IFT52: variants seen among roughly 807,000 people sequenced by gnomAD.
The protein encoded by IFT52 is intraflagellar transport 52.
Under a neutral mutation model 54.4 loss-of-function variants are expected in IFT52, and 44 were observed. That is an observed-to-expected ratio of 0.81 (90% CI 0.63 to 1.04). The LOEUF (loss-of-function observed/expected upper bound fraction) is 1.04, where lower values mean the gene tolerates loss of function less well. Among genes scored for constraint, IFT52 ranks in the 50% least tolerant of loss-of-function variants. IFT52 has a pLI of 0.00. For synonymous variants in IFT52, 181 were observed against 185.3 expected (o/e 0.98, Z 0.19); for missense variants, 452 against 523.6 (o/e 0.86, Z 1.33).
intron 10 of IFT52, among the ~76,000 whole-genome samples, chr20:43,626,776 G>A (rs1339975847): frequency 8.7e-6 from 1 of 115,044 alleles, no homozygotes; most frequent in Non-Finnish European, 1.9e-5. Context: ...CATGTGACTG[G>A]ATGAGCTCAC....
At chr20:43,630,322 G>C (rs894781800) in intron 10 of IFT52, among the ~76,000 whole-genome samples, 1 of 152,176 alleles carries the variant, frequency 6.6e-6, no homozygotes, top group Non-Finnish European at 1.5e-5. Flanking sequence ...TAATTCTTCA[G>C]TGTTAAATGA....
intron 10 of IFT52, among the ~76,000 whole-genome samples, chr20:43,635,517 G>A (rs958701988): frequency 2.0e-5 from 3 of 152,146 alleles, no homozygotes; most frequent in South Asian, 2.1e-4. Flanking sequence ...GGCTGGTTTC[G>A]AACTCTTGAC....
chr20:43,644,020 C>G lies in IFT52; in HGVS notation c.1266+1396C>G, dbSNP rs1986084122. On this transcript the variant is annotated intron_variant, in intron 13 of 13. Transcript: ENST00000373030. ...TCGGGAGGCTGAGACAGGAGAATTG[C>G]TTGAACCTGGGAGGCGGAGGTTACA... Among the ~76,000 whole-genome samples, 2 of 56,692 alleles carry G rather than the reference C, an allele frequency of 3.5e-5. 1 individual carries two copies. The highest frequency in any genetic ancestry group is 8.4e-5 in the Non-Finnish European group (2 of 23,840). 37.2% of individuals were successfully genotyped at this position (56,692 alleles called of 152,430 possible).
intron 7 of IFT52, among the ~76,000 whole-genome samples, chr20:43,615,665 G>A (rs547904540): frequency 7.9e-5 from 12 of 152,192 alleles, no homozygotes; most frequent in African/African-American, 2.6e-4. Flanking sequence ...TTGACCAGGC[G>A]TAGTGGCTCA....
intron 7 of IFT52, 54 bp from the exon 8 acceptor site, chr20:43,618,886 T>C: frequency 8.8e-7 from 1 of 1,130,380 alleles, no homozygotes; most frequent in South Asian, 1.3e-5. Context: ...GGTACTAGGA[T>C]ACATGAGATG....
At chr20:43,614,392 G>A (rs754193309) in intron 7 of IFT52, among the ~76,000 whole-genome samples, 3 of 151,628 alleles carry the variant, frequency 2.0e-5, no homozygotes, top group Admixed American at 1.3e-4. Context: ...CTACCACCAC[G>A]CCCAGCTAAT....
intron 9 of IFT52, among the ~76,000 whole-genome samples, chr20:43,622,796 T>C (rs1984435390): frequency 1.4e-5 from 2 of 147,500 alleles, no homozygotes; most frequent in Admixed American, 6.8e-5. Context: ...ATATACATAT[T>C]TTTATATGTA....
chr20:43,632,787 G>A (rs1985261119), intron 10 of IFT52, among the ~76,000 whole-genome samples: 1 of 152,112 alleles, frequency 6.6e-6, no homozygotes, highest in South Asian at 2.1e-4. Flanking sequence ...TTTCAGATTT[G>A]ACTCCTATCT....
chr20:43,618,936 A>G lies in IFT52; in HGVS notation c.613-4A>G, dbSNP rs562462070. ...AGTATCTGACCCTGCTTTGTCATCA[A>G]TAGAACCAAGGTGGGAAGCTGGCAG... On this transcript the variant is annotated splice_region_variant and splice_polypyrimidine_tract_variant and intron_variant, in intron 7 of 13. Coordinates refer to ENST00000373030, the MANE Select transcript of IFT52 (RefSeq NM_016004.5). 5.6e-5 allele frequency: 90 copies of G among 1,610,832 alleles called. 1 individual carries two copies. In the South Asian group the frequency reaches 6.3e-4, roughly 11 times the overall value.
At chr20:43,623,868 A>T (rs1984521466) in intron 9 of IFT52, 23 bp from the exon 10 acceptor site, 1 of 1,611,582 alleles carries the variant, frequency 6.2e-7, no homozygotes, top group Admixed American at 1.7e-5. Flanking sequence ...CTGTGCTAAA[A>T]GGAACCCTCT....
At chr20:43,595,316 CAAAAAAAAAAA>C (rs34012263) in intron 2 of IFT52, among the ~76,000 whole-genome samples, 30 of 62,918 alleles carry the variant, frequency 4.8e-4, no homozygotes, top group African/African-American at 1.5e-3. Flanking sequence ...GACTCCGTCT[CAAAAAAAAAAA>C]AAAAAAAAAA....
At chr20:43,593,259 T>G (rs942092124) in intron 1 of IFT52, among the ~76,000 whole-genome samples, 2 of 151,968 alleles carry the variant, frequency 1.3e-5, no homozygotes, top group Non-Finnish European at 2.9e-5. Context: ...AAAACAGTAA[T>G]GAGGGGGGTT....
chr20:43,639,200 A>G (rs189745976), intron 12 of IFT52, among the ~76,000 whole-genome samples: 86 of 150,340 alleles, frequency 5.7e-4, no homozygotes, highest in African/African-American at 2.0e-3. Flanking sequence ...TAAAAAGAGT[A>G]TGAAATAAGC....
intron 12 of IFT52, among the ~76,000 whole-genome samples, chr20:43,637,848 T>G (rs1366459182): frequency 6.6e-6 from 1 of 152,162 alleles, no homozygotes; most frequent in African/African-American, 2.4e-5. Flanking sequence ...ACCATAGAAT[T>G]AATCTTGACC....
intron 3 of IFT52, among the ~76,000 whole-genome samples, chr20:43,600,525 C>T (rs1042190068): frequency 8.6e-5 from 13 of 151,978 alleles, no homozygotes; most frequent in Admixed American, 6.6e-4. Context: ...AGGGTGATCT[C>T]GATCTCCTGG....
intron 6 of IFT52, among the ~76,000 whole-genome samples, chr20:43,609,752 G>A (rs939688320): frequency 3.4e-5 from 5 of 146,268 alleles, no homozygotes; most frequent in Non-Finnish European, 7.4e-5. Context: ...TCCGGCCTGG[G>A]CAACAGGAGC....
intron 10 of IFT52, among the ~76,000 whole-genome samples, chr20:43,634,432 A>G (rs1237802731): frequency 1.3e-5 from 2 of 152,214 alleles, no homozygotes; most frequent in Non-Finnish European, 2.9e-5. Flanking sequence ...AACACTGCAT[A>G]TCTACATGAG....
chr20:43,613,763 G>T, intron 6 of IFT52, 87 bp from the exon 7 acceptor site: 1 of 1,314,032 alleles, frequency 7.6e-7, no homozygotes, highest in South Asian at 1.2e-5. Context: ...TCAAAAAAGA[G>T]TGTTACTCAA....
chr20:43,621,655 GT>G (rs1166377898), intron 9 of IFT52, among the ~76,000 whole-genome samples: 1 of 152,140 alleles, frequency 6.6e-6, no homozygotes, highest in Non-Finnish European at 1.5e-5. Context: ...TAGAGGCAGG[GT>G]TTCACCATTT....
Sources: gnomAD v4.1 joint callset for allele counts (sites outside exome capture counted in the v4.1 genomes callset) on GRCh38, gnomAD v4.1.1 for gene constraint, MANE v1.5 for transcripts, NCBI Gene and HGNC (gene_info 2026-07-23, HGNC 2026-07-21) for gene names.